The following ZSCAN1 variants were observed in gnomAD, a reference collection of about 807,000 sequenced individuals.
The protein encoded by ZSCAN1 is zinc finger and SCAN domain-containing protein 1.
ZSCAN1 carries 23 observed loss-of-function variants against 23.8 expected under a neutral mutation model. That is an observed-to-expected ratio of 0.97 (90% CI 0.70 to 1.37). The LOEUF (loss-of-function observed/expected upper bound fraction) is 1.37, where lower values mean the gene tolerates loss of function less well. ZSCAN1 is among the 40% of genes most tolerant of loss of function. ZSCAN1 has a pLI of 0.00. For missense variants in ZSCAN1, 575 were observed against 554.0 expected (o/e 1.04, Z -0.38); for synonymous variants, 236 against 232.3 (o/e 1.02, Z -0.15).
In ZSCAN1 at chr19:58,047,046, G is replaced by T. The variant is rs1297974674; in HGVS notation, c.466-5444G>T. Among the ~76,000 whole-genome samples, 1 of 152,152 alleles carries T rather than the reference G, an allele frequency of 6.6e-6. No homozygotes were observed. Among genetic ancestry groups the T allele is most frequent in the East Asian group, 1.9e-4 (1 of 5,204 alleles). ...GGCGGCTGGGCCAAGGCAGGAAGGT[G>T]CCCCCCTGTGTGTGGCCTCACGTCT... On this transcript the variant is annotated intron_variant, in intron 4 of 5. Transcript: ENST00000282326. This position sits in a 1 kb window ranked among gnomAD's most constrained non-coding sequence, Gnocchi z 4.9.
rs372048643 is a variant in ZSCAN1, at chr19:58,052,593, C to T, written c.569C>T (p.Ala190Val). The T allele has an allele frequency of 3.2e-5, 52 of 1,612,516 alleles. No homozygotes were observed. The East Asian group carries it at 3.3e-4, about 10-fold the overall frequency. ...CTCCAGCAGAGTCTGCACACCAGGG[C>T]GGAGGCCGAAGCGCCCCGCGCCCCT... is the stretch of plus-strand genomic sequence containing the variant. ...TQLQQSLHTR[A>V]EAEAPRAPGL... The change falls in exon 5 of 6, where the codon GCG (alanine) becomes GTG (valine). Residue 190 changes from alanine to valine, a missense_variant. By Grantham distance (64) the Ala-to-Val change is moderately conservative. Coordinates refer to ENST00000282326, the MANE Select transcript of ZSCAN1 (RefSeq NM_182572.4).
intron 4 of ZSCAN1, chr19:58,046,336 A>C: frequency 1.1e-6 from 1 of 910,534 alleles, no homozygotes; most frequent in Non-Finnish European, 1.9e-6. Flanking sequence ...GGAACTTTCA[A>C]AGACTGGTGA....
At chr19:58,034,293 G>GGCGGGC (rs1458189917) in intron 1 of ZSCAN1, 132 bp downstream of exon 1, 2 of 150,148 alleles carry the variant, frequency 1.3e-5, no homozygotes, top group African/African-American at 2.4e-5. Flanking sequence ...CGTCGGGGGA[G>GGCGGGC]GCGGGCCCGG....
At position 58,047,601 on chromosome 19, in the gene ZSCAN1, G is replaced by A. The variant is rs1377970498; in HGVS notation, c.466-4889G>A. Among the ~76,000 whole-genome samples, 1 of 152,232 alleles carries A rather than the reference G, an allele frequency of 6.6e-6. No homozygotes were observed. Among genetic ancestry groups the A allele is most frequent in the Non-Finnish European group, 1.5e-5 (1 of 68,040 alleles). ...GATTTACTGTGTCAGGGATGAGCCT[G>A]GCTCGGGTTGGTGGGGCTCTGAAGC... On this transcript the variant is annotated intron_variant, in intron 4 of 5. Coordinates refer to ENST00000282326, the MANE Select transcript of ZSCAN1 (RefSeq NM_182572.4). This position sits in a 1 kb window ranked among gnomAD's most constrained non-coding sequence, Gnocchi z 4.9.
chr19:58,042,510 G>A (rs981284435), intron 4 of ZSCAN1, among the ~76,000 whole-genome samples: 1 of 152,008 alleles, frequency 6.6e-6, no homozygotes, highest in Admixed American at 6.6e-5. Context: ...CACCCGCCTC[G>A]GCCTCCTGAA....
chr19:58,034,542 C>T (rs187018574), intron 1 of ZSCAN1, among the ~76,000 whole-genome samples: 302 of 152,122 alleles, frequency 2.0e-3, no homozygotes, highest in African/African-American at 6.9e-3. Context: ...CAAGTTCTCC[C>T]TTCCACACCT....
At position 58,040,636 on chromosome 19, in the gene ZSCAN1, G is replaced by A; in HGVS notation, c.465+92G>A. The A allele has an allele frequency of 1.6e-6, 2 of 1,283,322 alleles. No individual in the cohort carries two copies. Among genetic ancestry groups the A allele is most frequent in the Non-Finnish European group, 2.2e-6 (2 of 897,050 alleles). 79.5% of individuals were successfully genotyped at this position (1,283,322 alleles called of 1,614,324 possible). Reference sequence around the variant, plus strand: ...CTCAAGGATGCCCCATCCAAGGACTGTGTGAGGTTGTCCCCAGCGCTCCCA... The same window carrying A: ...CTCAAGGATGCCCCATCCAAGGACTATGTGAGGTTGTCCCCAGCGCTCCCA... On this transcript the variant is annotated intron_variant, in intron 4 of 5. Coordinates refer to ENST00000282326, the MANE Select transcript of ZSCAN1 (RefSeq NM_182572.4). The surrounding 1 kb of genome is among the most constrained non-coding windows in gnomAD (Gnocchi z 5.8).
chr19:58,055,562 AGGGTG>A (rs1251784954), downstream of ZSCAN1, among the ~76,000 whole-genome samples: 5 of 152,108 alleles, frequency 3.3e-5, no homozygotes, highest in East Asian at 9.7e-4. Flanking sequence ...CTCAGGATGG[AGGGTG>A]GGGTCTTGGC....
chr19:58,053,773 G>C lies in ZSCAN1; in HGVS notation c.949G>C (p.Glu317Gln), dbSNP rs2073874529. 1.2e-6 allele frequency: 2 copies of C among 1,614,138 alleles called. No individual in the cohort carries two copies. The highest frequency in any genetic ancestry group is 1.7e-6 in the Non-Finnish European group (2 of 1,180,018). The change falls in exon 6 of 6, where the codon GAA becomes CAA. Residue 317 changes from glutamate (E) to glutamine (Q), a missense_variant. Coordinates refer to ENST00000282326, the MANE Select transcript of ZSCAN1 (RefSeq NM_182572.4). This position sits in a 1 kb window ranked among gnomAD's most constrained non-coding sequence, Gnocchi z 5.8. ...CGAGCACCAGAAGACCCATCGCGAG[G>C]AAGGGCCCTTTCCGTGCCCCGAGTG... is the stretch of plus-strand genomic sequence containing the variant. ...FIEHQKTHRE[E>Q]GPFPCPECGK... is the part of the protein sequence containing the mutation.
intron 1 of ZSCAN1, among the ~76,000 whole-genome samples, chr19:58,034,605 C>T (rs1370627130): frequency 6.6e-6 from 1 of 151,042 alleles, no homozygotes; most frequent in Non-Finnish European, 1.5e-5. Context: ...CCGGACCCAT[C>T]TCCCTCCCTA....
chr19:58,042,293 T>A (rs1027223549), intron 4 of ZSCAN1, among the ~76,000 whole-genome samples: 3 of 151,898 alleles, frequency 2.0e-5, no homozygotes, highest in African/African-American at 7.3e-5. Flanking sequence ...AGTCTTGCTC[T>A]GTAGCCCAGG....
In ZSCAN1 at chr19:58,045,282, C is replaced by G; in HGVS notation, c.465+4738C>G. 1 of 792,634 alleles carries G rather than the reference C, an allele frequency of 1.3e-6. No homozygotes were observed. Among genetic ancestry groups the G allele is most frequent in the Non-Finnish European group, 2.3e-6 (1 of 430,002 alleles). 49.1% of individuals were successfully genotyped at this position (792,634 alleles called of 1,614,324 possible). ...GCTGCCTGTTGCTGTGAAACTCTTC[C>G]CCAACATGTTGCCATCCACATCCGA... On this transcript the variant is annotated intron_variant, in intron 4 of 5. Coordinates refer to ENST00000282326, the MANE Select transcript of ZSCAN1 (RefSeq NM_182572.4). This position sits in a 1 kb window ranked among gnomAD's most constrained non-coding sequence, Gnocchi z 4.3.
At chr19:58,055,026 C>T (rs2073882729), downstream of ZSCAN1, among the ~76,000 whole-genome samples, 1 of 152,208 alleles carries the variant, frequency 6.6e-6, no homozygotes, top group Non-Finnish European at 1.5e-5. Context: ...CTCGGCTTCT[C>T]ACCCGTCCCC....
Position 58,053,982 on chromosome 19 carries a change from G to T in ZSCAN1, c.1158G>T (p.Gly386=). ...PKRPFQCSVC[G]KAFPWMVHLI... is the part of the protein sequence containing the mutation. The stretch of plus-strand genomic sequence containing the variant: ...GACCCTTCCAGTGTAGCGTCTGCGG[G>T]AAGGCCTTCCCCTGGATGGTCCACC... Residue 386 remains glycine (G), a synonymous_variant, in exon 6 of 6, where the codon GGG becomes GGT. Coordinates refer to ENST00000282326, the MANE Select transcript of ZSCAN1 (RefSeq NM_182572.4). The surrounding 1 kb of genome is among the most constrained non-coding windows in gnomAD (Gnocchi z 5.8). The T allele has an allele frequency of 6.3e-7, 1 of 1,593,978 alleles. No individual in the cohort carries two copies. Among genetic ancestry groups the T allele is most frequent in the Non-Finnish European group, 8.6e-7 (1 of 1,168,958 alleles).
In ZSCAN1 at chr19:58,046,294, G is replaced by A; in HGVS notation, c.465+5750G>A. 4.9e-6 allele frequency: 4 copies of A among 808,094 alleles called. No individual in the cohort carries two copies. In the Admixed American group the frequency reaches 6.8e-5, roughly 14 times the overall value. 50.1% of individuals were successfully genotyped at this position (808,094 alleles called of 1,614,324 possible). A position where few individuals can be genotyped will look rare whatever the true frequency, so the allele number is the denominator to read the frequency against. The stretch of plus-strand genomic sequence containing the variant: ...GGAGCTGCTGAAGGAGGACATGCAG[G>A]ACTACAGCGAGGACTTGCAGGAGCT... On this transcript the variant is annotated intron_variant, in intron 4 of 5. Coordinates refer to ENST00000282326, the MANE Select transcript of ZSCAN1 (RefSeq NM_182572.4).
chr19:58,046,468 G>A lies in ZSCAN1; in HGVS notation c.465+5924G>A, dbSNP rs1408792404. 16 of 847,268 alleles carry A rather than the reference G, an allele frequency of 1.9e-5. No individual in the cohort carries two copies. The Admixed American group carries it at 2.5e-4, about 13-fold the overall frequency. The allele number at this position is 847,268 out of a possible 1,614,324, so 52.5% of individuals were successfully genotyped here. A position where few individuals can be genotyped will look rare whatever the true frequency, so the allele number is the denominator to read the frequency against. On this transcript the variant is annotated intron_variant, in intron 4 of 5. Transcript: ENST00000282326. ...GATGGACCAGTGGGCCAGCAAGCTG[G>A]CCCCGGCCAAGGGCGTGCCCATGGG...
At chr19:58,043,965 C>T (rs1380509677) in intron 4 of ZSCAN1, among the ~76,000 whole-genome samples, 3 of 151,708 alleles carry the variant, frequency 2.0e-5, no homozygotes, top group Admixed American at 6.6e-5. Flanking sequence ...CTGTGCCTGG[C>T]GTAAAAAACT....
At chr19:58,038,396 C>G in intron 3 of ZSCAN1, 190 bp downstream of exon 3, 1 of 707,274 alleles carries the variant, frequency 1.4e-6, no homozygotes, top group Non-Finnish European at 2.3e-6. Context: ...CCTCATCTGC[C>G]TCGAATTTCT....
chr19:58,052,525 C>G lies in ZSCAN1; in HGVS notation c.501C>G (p.Ala167=), dbSNP rs2073863695. The G allele has an allele frequency of 6.2e-7, 1 of 1,614,088 alleles. No individual in the cohort carries two copies. Among genetic ancestry groups the G allele is most frequent in the Non-Finnish European group, 8.5e-7 (1 of 1,180,026 alleles). ...TGATTCTGGATGCAGTGGCAGCAGC[C>G]CCAGCACTCCCCGAGGAAAGTGAGT... ...SELILDAVAA[A]PALPEESEWL... The change falls in exon 5 of 6, where the codon GCC becomes GCG. Residue 167 remains alanine (A), a synonymous_variant. Transcript: ENST00000282326.
Sources: gnomAD v4.1 joint callset for allele counts (sites outside exome capture counted in the v4.1 genomes callset) on GRCh38, gnomAD v4.1.1 for gene constraint, Gnocchi (gnomAD v3.1) non-coding constraint, MANE v1.5 for transcripts, NCBI Gene and HGNC (gene_info 2026-07-23, HGNC 2026-07-21) for gene names.